The following KLC4 variants were observed in gnomAD, a reference collection of about 807,000 sequenced individuals.
The protein encoded by KLC4 is kinesin light chain 4.
Under a neutral mutation model 77.2 loss-of-function variants are expected in KLC4, and 49 were observed. The ratio of observed to expected loss-of-function variants is 0.63; its 90% CI spans 0.50 to 0.80. KLC4 has a LOEUF of 0.80. Among genes scored for constraint, KLC4 ranks in the 30% least tolerant of loss-of-function variants. The pLI, the probability that KLC4 is intolerant of heterozygous loss-of-function variation, is 0.00. For synonymous variants in KLC4, 274 were observed against 314.5 expected, an observed-to-expected ratio of 0.87 and a Z score of 1.36; for missense variants, 669 against 793.5, an observed-to-expected ratio of 0.84 and a Z score of 1.89.
At chr6:43,071,182 C>T (rs962196843) in intron 8 of KLC4, 93 bp from the exon 9 acceptor site, 33 of 743,148 alleles carry the variant, frequency 4.4e-5, no homozygotes, top group Non-Finnish European at 6.7e-5. Flanking sequence ...ACTCCCTGAG[C>T]CTGGTGAAGA....
chr6:43,065,325 C>T (rs112186598), intron 3 of KLC4: 9,184 of 281,956 alleles, frequency 0.033, 199 homozygotes, highest in East Asian at 0.056. Flanking sequence ...CTGCCCACCT[C>T]GGCCTCCCAA....
intron 5 of KLC4, among the ~76,000 whole-genome samples, chr6:43,066,741 C>T (rs1765452774): frequency 6.6e-6 from 1 of 152,300 alleles, no homozygotes; most frequent in East Asian, 1.9e-4. Flanking sequence ...TCTAATCTCT[C>T]TTCTGGGGAG....
At chr6:43,067,268 T>C in intron 6 of KLC4, 185 bp downstream of exon 6, 3 of 1,268,502 alleles carry the variant, frequency 2.4e-6, no homozygotes, top group Non-Finnish European at 3.0e-6. Flanking sequence ...TCTCTGAGAC[T>C]CAGTGACTCC....
At chr6:43,061,626 G>C in intron 2 of KLC4, 33 bp downstream of exon 2, 21 of 1,586,090 alleles carry the variant, frequency 1.3e-5, no homozygotes, top group Non-Finnish European at 1.7e-5. Context: ...AAGTGGTCCA[G>C]GGTGGATGGA....
intron 3 of KLC4, 38 bp downstream of exon 3, chr6:43,063,185 A>C: frequency 6.6e-7 from 1 of 1,518,780 alleles, no homozygotes; most frequent in Non-Finnish European, 9.1e-7. Flanking sequence ...AGGGGTGGGC[A>C]GCCGGGAGTT....
At chr6:43,062,758 G>T (rs1460073401) in intron 2 of KLC4, 159 bp from the exon 3 acceptor site, 29 of 614,046 alleles carry the variant, frequency 4.7e-5, no homozygotes, top group Non-Finnish European at 7.2e-5. Flanking sequence ...TGGGAAATTG[G>T]ATTCAGGGTA....
At chr6:43,067,894 C>T (rs1463034140) in intron 6 of KLC4, among the ~76,000 whole-genome samples, 8 of 120,228 alleles carry the variant, frequency 6.7e-5, no homozygotes, top group Admixed American at 1.6e-4. Context: ...GGGCGGATCA[C>T]GAGGTCAGGA....
chr6:43,070,109 AAAG>A (rs1460570110), intron 6 of KLC4, among the ~76,000 whole-genome samples: 42 of 96,558 alleles, frequency 4.3e-4, no homozygotes, highest in African/African-American at 2.5e-3. Flanking sequence ...AAAAAAAAAA[AAAG>A]AAAGAAAAAA....
intron 15 of KLC4, 70 bp from the exon 16 acceptor site, chr6:43,074,552 A>G: frequency 7.8e-7 from 1 of 1,278,782 alleles, no homozygotes; most frequent in Non-Finnish European, 1.1e-6. Flanking sequence ...CATGGGATGG[A>G]TGGACTCTAG....
chr6:43,071,512 T>A, intron 9 of KLC4, 55 bp from the exon 10 acceptor site: 1 of 1,593,212 alleles, frequency 6.3e-7, no homozygotes, highest in Non-Finnish European at 8.6e-7. Context: ...GTCCTGGCTC[T>A]CCGACACTGT....
rs377423285 is a variant in KLC4, at chr6:43,063,243, C to T, written c.489+96C>T. On this transcript the variant is annotated intron_variant, in intron 3 of 15. Transcript: ENST00000347162. Reference sequence around the variant, plus strand: ...CCCCATCATCCTCAGGGTCCATCAGCTCTACCCAACCTGCTCTCACCTGAA... The same window carrying T: ...CCCCATCATCCTCAGGGTCCATCAGTTCTACCCAACCTGCTCTCACCTGAA... The T allele has an allele frequency of 2.5e-4, 223 of 895,722 alleles. 1 individual carries two copies. The East Asian group carries it at 3.3e-3, about 13-fold the overall frequency. 55.5% of individuals were successfully genotyped at this position (895,722 alleles called of 1,614,324 possible).
At chr6:43,068,127 A>AG (rs1765538863) in intron 6 of KLC4, among the ~76,000 whole-genome samples, 1 of 147,452 alleles carries the variant, frequency 6.8e-6, no homozygotes, top group Non-Finnish European at 1.5e-5. Context: ...AAAAAAAAAA[A>AG]AAAAAAAAAA....
chr6:43,071,665 G>A (rs75664886), intron 10 of KLC4, 46 bp downstream of exon 10: 50,233 of 1,585,344 alleles, frequency 0.032, 928 homozygotes, highest in Non-Finnish European at 0.036. Context: ...CAAGGCTACC[G>A]GGGTCTCTGT....
intron 4 of KLC4, 112 bp downstream of exon 4, chr6:43,065,813 T>C (rs897682266): frequency 6.9e-6 from 5 of 721,290 alleles, no homozygotes; most frequent in Admixed American, 2.5e-5. Flanking sequence ...TTCTCCACTT[T>C]CTCTGGAGAC....
At chr6:43,060,029 G>A in intron 1 of KLC4, 1 of 1,408,316 alleles carries the variant, frequency 7.1e-7, no homozygotes. Flanking sequence ...TCGACAGCCC[G>A]AGGCACTCCT....
chr6:43,072,241 C>CG lies in KLC4; in HGVS notation c.1476dup (p.Ser493ValfsTer7), dbSNP rs778034866. On this transcript the variant is annotated frameshift_variant, in exon 12 of 16. Transcript: ENST00000347162. LOFTEE classifies it high-confidence loss of function. Reference sequence around the variant, plus strand: ...TGAGACCCTGGAGGAATGTGCCCTGCGGTCCCGGAGACAGGTCAGAAGCCC... The same window carrying CG: ...TGAGACCCTGGAGGAATGTGCCCTGCGGGTCCCGGAGACAGGTCAGAAGCCC... 3.1e-6 allele frequency: 5 copies of CG among 1,613,530 alleles called. No individual in the cohort carries two copies.
chr6:43,065,065 C>A (rs1023443621), intron 3 of KLC4, among the ~76,000 whole-genome samples: 2 of 149,686 alleles, frequency 1.3e-5, no homozygotes, highest in African/African-American at 4.9e-5. Context: ...AGAAAGGAAA[C>A]TTTTTTTTTT....
At chr6:43,065,527 C>A (rs924783095) in intron 3 of KLC4, 93 bp from the exon 4 acceptor site, 37 of 821,228 alleles carry the variant, frequency 4.5e-5, no homozygotes, top group Non-Finnish European at 6.0e-5. Context: ...TCCTAGGTCC[C>A]ATCTGTCTGT....
At chr6:43,065,783 A>G in intron 4 of KLC4, 82 bp downstream of exon 4, 1 of 900,604 alleles carries the variant, frequency 1.1e-6, no homozygotes, top group Non-Finnish European at 1.8e-6. Context: ...TACACAGGAC[A>G]GTCACCATCT....
Sources: allele counts gnomAD v4.1 joint callset (sites outside exome capture counted in the v4.1 genomes callset), GRCh38; gene constraint gnomAD v4.1.1; transcripts MANE v1.5; gene names NCBI Gene and HGNC (gene_info 2026-07-23, HGNC 2026-07-21).